Variants in GRIP1 observed in about 807,000 individuals in gnomAD.
GRIP1 encodes the protein glutamate receptor interacting protein 1.
A neutral mutation model predicts 129.9 loss-of-function variants in GRIP1; 45 were observed. The observed-to-expected ratio is 0.35, with a 90% CI of 0.27 to 0.44. The LOEUF (loss-of-function observed/expected upper bound fraction) is 0.44, where lower values mean the gene tolerates loss of function less well. Ranked by LOEUF, GRIP1 falls within the 20% of genes least tolerant of loss-of-function variation. GRIP1 has a pLI of 1.00. For missense variants in GRIP1, 1,196 were observed against 1,396.8 expected, an observed-to-expected ratio of 0.86 and a Z score of 2.29; for synonymous variants, 530 against 520.8, an observed-to-expected ratio of 1.02 and a Z score of -0.24.
At chr12:66,433,886 C>A (rs2058223756) in intron 13 of GRIP1, among the ~76,000 whole-genome samples, 2 of 152,278 alleles carry the variant, frequency 1.3e-5, no homozygotes, top group South Asian at 2.1e-4. Flanking sequence ...AGCACACAGA[C>A]AATTAACCAC....
chr12:66,839,378 A>G (rs1423328576), intron 1 of GRIP1, among the ~76,000 whole-genome samples: 1 of 152,168 alleles, frequency 6.6e-6, no homozygotes, highest in African/African-American at 2.4e-5. Context: ...ACTGTAATAG[A>G]CATAATTCTA....
intron 1 of GRIP1, among the ~76,000 whole-genome samples, chr12:66,644,724 T>C (rs904541843): frequency 5.3e-5 from 8 of 152,224 alleles, no homozygotes; most frequent in African/African-American, 1.9e-4. Flanking sequence ...CTGTCTGACT[T>C]GCAAGAATTC....
chr12:66,807,194 A>G (rs1409451696), upstream of GRIP1, among the ~76,000 whole-genome samples: 1 of 151,998 alleles, frequency 6.6e-6, no homozygotes, highest in Non-Finnish European at 1.5e-5. Context: ...ATATTTCTTG[A>G]TATGGTTTAT....
At chr12:67,006,047 G>C (rs2042621520) in intron 1 of GRIP1, among the ~76,000 whole-genome samples, 1 of 152,176 alleles carries the variant, frequency 6.6e-6, no homozygotes, top group South Asian at 2.1e-4. Context: ...GTGAGGATTG[G>C]ATTAGGTAGC....
chr12:66,606,992 GGAGAGA>G (rs80101645), intron 1 of GRIP1, among the ~76,000 whole-genome samples: 2 of 149,122 alleles, frequency 1.3e-5, no homozygotes, highest in East Asian at 2.0e-4. Context: ...ATCCTTACTT[GGAGAGA>G]GAGAGAGAGA....
At chr12:66,481,830 C>T (rs1212526043) in intron 7 of GRIP1, among the ~76,000 whole-genome samples, 2 of 151,936 alleles carry the variant, frequency 1.3e-5, no homozygotes, top group Non-Finnish European at 2.9e-5. Flanking sequence ...TCTTCATTCT[C>T]ATCAAACTAA....
intron 1 of GRIP1, among the ~76,000 whole-genome samples, chr12:66,689,646 T>A (rs1194922785): frequency 6.6e-6 from 1 of 152,108 alleles, no homozygotes; most frequent in African/African-American, 2.4e-5. Context: ...TCATCACCAC[T>A]CAGCATTGAT....
chr12:66,384,279 CA>C lies in GRIP1; in HGVS notation c.2465-4844del, dbSNP rs61057772. ...GCAGGACCAATCCAGCTTTTTCTAG[CA>C]AAAAAATAAAATGAAATGCTGATAT... On this transcript the variant is annotated intron_variant, in intron 19 of 24. Coordinates refer to ENST00000359742, the MANE Select transcript of GRIP1 (RefSeq NM_001366722.1). 3.3e-5 allele frequency among the ~76,000 whole-genome samples: 5 copies of C among 151,920 alleles called. No homozygotes were observed. In the East Asian group the frequency reaches 9.7e-4, roughly 29 times the overall value.
At chr12:66,941,755 T>G (rs1020933868) in intron 1 of GRIP1, among the ~76,000 whole-genome samples, 1 of 152,192 alleles carries the variant, frequency 6.6e-6, no homozygotes, top group African/African-American at 2.4e-5. Context: ...ATTAAAAGGA[T>G]GTACAATTAA....
intron 2 of GRIP1, among the ~76,000 whole-genome samples, chr12:66,572,152 C>T (rs920463770): frequency 2.6e-5 from 4 of 152,114 alleles, no homozygotes; most frequent in African/African-American, 9.7e-5. Flanking sequence ...TCAGAAACAG[C>T]GGAGGCACAT....
intron 1 of GRIP1, among the ~76,000 whole-genome samples, chr12:66,606,992 GGAGAGAGAGAGA>G (rs80101645): frequency 6.7e-6 from 1 of 149,056 alleles, no homozygotes; most frequent in Admixed American, 6.7e-5. Context: ...ATCCTTACTT[GGAGAGAGAGAGA>G]GAGAGAGAGA....
chr12:66,695,970 A>C (rs1284425536), intron 1 of GRIP1, among the ~76,000 whole-genome samples: 1 of 152,164 alleles, frequency 6.6e-6, no homozygotes, highest in East Asian at 1.9e-4. Flanking sequence ...GAGCAGGCAA[A>C]TATTCCAGGA....
intron 1 of GRIP1, among the ~76,000 whole-genome samples, chr12:66,691,315 C>T (rs1338641979): frequency 1.3e-5 from 2 of 152,122 alleles, no homozygotes; most frequent in Non-Finnish European, 2.9e-5. Context: ...TGGGTTTGTT[C>T]AAGTGCTGTG....
chr12:66,949,268 G>A (rs1049243346), intron 1 of GRIP1, among the ~76,000 whole-genome samples: 2 of 152,188 alleles, frequency 1.3e-5, no homozygotes, highest in African/African-American at 2.4e-5. Flanking sequence ...GCAGAGGGAT[G>A]TATGTTAACC....
At chr12:66,515,262 G>GTAA (rs2060810003) in intron 7 of GRIP1, among the ~76,000 whole-genome samples, 1 of 151,564 alleles carries the variant, frequency 6.6e-6, no homozygotes, top group Admixed American at 6.6e-5. Context: ...CAGTCTCTAT[G>GTAA]TAATAATAAA....
chr12:66,838,917 AC>A (rs770708039), intron 1 of GRIP1, among the ~76,000 whole-genome samples: 65 of 152,330 alleles, frequency 4.3e-4, no homozygotes, highest in Non-Finnish European at 2.6e-4. Flanking sequence ...GCTGAAAAAG[AC>A]ATTTTAAAGG....
At chr12:66,776,787 ATTG>A (rs2037995278) in intron 1 of GRIP1, among the ~76,000 whole-genome samples, 1 of 152,214 alleles carries the variant, frequency 6.6e-6, no homozygotes, top group Non-Finnish European at 1.5e-5. Flanking sequence ...CAGAAGTAAA[ATTG>A]TTGATGAAAT....
rs775982514 is a variant in GRIP1 at position 66,455,548 on chromosome 12, T to C, written c.1215A>G (p.Ser405=). The change falls in exon 11 of 25, where the codon TCA becomes TCG. Residue 405 remains serine (S), a synonymous_variant. Transcript: ENST00000359742. ...PPNSPPALVS[S]SFSPTSMSAY... ...CACTCATGGAGGTAGGAGAGAAGGA[T>C]GAAGACACCAAAGCTGCTGCAAGAG... is the stretch of plus-strand genomic sequence containing the variant. 6.2e-6 allele frequency: 10 copies of C among 1,613,926 alleles called. No individual in the cohort carries two copies. Among genetic ancestry groups the C allele is most frequent in the South Asian group, 1.1e-5 (1 of 91,088 alleles).
At chr12:66,847,700 T>A (rs1347778800) in intron 1 of GRIP1, among the ~76,000 whole-genome samples, 1 of 152,180 alleles carries the variant, frequency 6.6e-6, no homozygotes, top group Non-Finnish European at 1.5e-5. Context: ...TCCCTGTTCC[T>A]AGGAACTTTA....
Sources: gnomAD v4.1 joint callset for allele counts (sites outside exome capture counted in the v4.1 genomes callset) on GRCh38, gnomAD v4.1.1 for gene constraint, MANE v1.5 for transcripts, NCBI Gene and HGNC (gene_info 2026-07-23, HGNC 2026-07-21) for gene names.